Variants in PCDH15 observed in about 807,000 individuals in gnomAD.
PCDH15 encodes the protein protocadherin-15.
In PCDH15, 129 loss-of-function variants were observed where a neutral mutation model predicts 178.5. The ratio of observed to expected loss-of-function variants is 0.72; its 90% CI spans 0.63 to 0.84. The LOEUF is 0.84. Among genes scored for constraint, PCDH15 ranks in the 40% least tolerant of loss-of-function variants. The pLI is 0.00. For synonymous variants in PCDH15, 800 were observed against 732.0 expected, an observed-to-expected ratio of 1.09 and a Z score of -1.50; for missense variants, 2,230 against 2,099.9, an observed-to-expected ratio of 1.06 and a Z score of -1.21.
chr10:54,773,863 A>G (rs1009203987), intron 1 of PCDH15, among the ~76,000 whole-genome samples: 3 of 152,166 alleles, frequency 2.0e-5, no homozygotes, highest in Non-Finnish European at 4.4e-5. Flanking sequence ...GGAGCATCAT[A>G]CAATAAAAAT....
intron 2 of PCDH15, among the ~76,000 whole-genome samples, chr10:54,950,524 C>T (rs780789679): frequency 2.6e-5 from 4 of 152,046 alleles, no homozygotes; most frequent in Non-Finnish European, 5.9e-5. Flanking sequence ...TCCTTTCCTT[C>T]TGCCATGATT....
chr10:55,137,979 C>T (rs978517919), intron 2 of PCDH15, among the ~76,000 whole-genome samples: 1 of 152,096 alleles, frequency 6.6e-6, no homozygotes, highest in African/African-American at 2.4e-5. Flanking sequence ...GGCCTGAAAA[C>T]CTGTCACTTG....
At position 55,586,820 on chromosome 10, in the gene PCDH15, T is replaced by A. The variant is rs181515658; in HGVS notation, c.-156+40805A>T. Among the ~76,000 whole-genome samples, 11 of 152,218 alleles carry A rather than the reference T, an allele frequency of 7.2e-5. No homozygotes were observed. In the East Asian group the frequency reaches 9.6e-4, roughly 13 times the overall value. On this transcript the variant is annotated intron_variant, in intron 2 of 5. Coordinates refer to the PCDH15 transcript ENST00000613346. ...GAATGATGTACTTTGGTCAAAAAAA[T>A]TATACCTCAATAATTATCTGCTCTC...
intron 2 of PCDH15, among the ~76,000 whole-genome samples, chr10:55,401,110 T>G (rs1344434202): frequency 2.0e-5 from 3 of 152,146 alleles, no homozygotes; most frequent in African/African-American, 7.2e-5. Context: ...TTTTTAATAT[T>G]GTTTCTATGG....
intron 15 of PCDH15, among the ~76,000 whole-genome samples, chr10:54,107,492 A>C (rs1377224636): frequency 6.6e-6 from 1 of 152,168 alleles, no homozygotes; most frequent in African/African-American, 2.4e-5. Context: ...GCACAGCAGG[A>C]AGTATTAGAG....
chr10:54,396,514 G>A (rs531281700), intron 3 of PCDH15, among the ~76,000 whole-genome samples: 47 of 152,104 alleles, frequency 3.1e-4, no homozygotes, highest in African/African-American at 1.1e-3. Flanking sequence ...CTTCCAAATA[G>A]CTATTTAGTA....
chr10:55,067,637 A>T (rs1377581951), intron 2 of PCDH15, among the ~76,000 whole-genome samples: 30 of 142,046 alleles, frequency 2.1e-4, no homozygotes, highest in Non-Finnish European at 2.1e-4. Flanking sequence ...TGATAGTTCT[A>T]TTTTTTTTTT....
intron 16 of PCDH15, among the ~76,000 whole-genome samples, chr10:54,082,536 T>C (rs1056158204): frequency 6.6e-6 from 1 of 152,178 alleles, no homozygotes; most frequent in Non-Finnish European, 1.5e-5. Context: ...AATGGAAATC[T>C]ATACGTAAAA....
intron 1 of PCDH15, among the ~76,000 whole-genome samples, chr10:55,180,529 T>C (rs943076193): frequency 1.3e-5 from 2 of 152,138 alleles, no homozygotes; most frequent in African/African-American, 2.4e-5. Flanking sequence ...CAGTGATTTA[T>C]GAAATGCCTG....
At chr10:55,333,070 TATAAAG>T (rs755839103) in intron 2 of PCDH15, among the ~76,000 whole-genome samples, 23 of 152,276 alleles carry the variant, frequency 1.5e-4, no homozygotes, top group African/African-American at 3.8e-4. Context: ...ACTTTTAACA[TATAAAG>T]ATAGAGTCAA....
chr10:55,214,726 C>T (rs908236955), intron 1 of PCDH15, among the ~76,000 whole-genome samples: 2 of 152,136 alleles, frequency 1.3e-5, no homozygotes, highest in East Asian at 3.9e-4. Context: ...ATCCTCCCAA[C>T]TCAGTCTCCA....
In PCDH15 at chr10:54,024,911, T is replaced by C. The variant is rs73235711; in HGVS notation, c.2221-1714A>G. On this transcript the variant is annotated intron_variant, in intron 18 of 37. Coordinates refer to ENST00000644397, the MANE Select transcript of PCDH15 (RefSeq NM_001384140.1). The stretch of plus-strand genomic sequence containing the variant: ...TTACTCATCAAGTAAATAGATAAAA[T>C]TGTAAGCCAAGAACAAAATATAAAT... Among the ~76,000 whole-genome samples the C allele has an allele frequency of 4.4e-3, 676 of 152,194 alleles. 6 individuals are homozygous for C. The highest frequency in any genetic ancestry group is 0.02 in the Middle Eastern group (6 of 294).
chr10:55,045,314 T>A (rs1457069688), intron 2 of PCDH15, among the ~76,000 whole-genome samples: 1 of 152,064 alleles, frequency 6.6e-6, no homozygotes. Context: ...TTTTATCCAA[T>A]AAACAGTTTC....
chr10:54,066,624 T>G, intron 18 of PCDH15, 133 bp downstream of exon 18: 1 of 760,180 alleles, frequency 1.3e-6, no homozygotes, highest in Non-Finnish European at 2.1e-6. Flanking sequence ...ATTCATTTTT[T>G]AAAGTCTTGA....
At chr10:54,143,163 T>C (rs2043563585) in intron 14 of PCDH15, among the ~76,000 whole-genome samples, 1 of 152,164 alleles carries the variant, frequency 6.6e-6, no homozygotes, top group Non-Finnish European at 1.5e-5. Context: ...TATTGTCAAA[T>C]CTGAGGTGGT....
intron 2 of PCDH15, among the ~76,000 whole-genome samples, chr10:54,572,336 T>A (rs907846319): frequency 6.6e-6 from 1 of 152,066 alleles, no homozygotes; most frequent in African/African-American, 2.4e-5. Flanking sequence ...TGATATTATT[T>A]ATAACATCAA....
At chr10:54,642,699 A>T (rs566882856) in intron 2 of PCDH15, among the ~76,000 whole-genome samples, 2 of 152,306 alleles carry the variant, frequency 1.3e-5, no homozygotes, top group Non-Finnish European at 2.9e-5. Context: ...GTCAGTTTAG[A>T]GGTTACAGTT....
intron 3 of PCDH15, among the ~76,000 whole-genome samples, chr10:54,509,561 T>G (rs1024851379): frequency 6.6e-6 from 1 of 152,186 alleles, no homozygotes; most frequent in South Asian, 2.1e-4. Context: ...GCAAGAGCAC[T>G]GTGTCTCTGC....
intron 7 of PCDH15, among the ~76,000 whole-genome samples, chr10:54,320,441 AAAAGT>A (rs1227432653): frequency 2.0e-5 from 3 of 152,032 alleles, no homozygotes; most frequent in Admixed American, 6.6e-5. Flanking sequence ...AGGCCAGTTG[AAAAGT>A]AGAGTAGGAG....
Sources: gnomAD v4.1 joint callset for allele counts (sites outside exome capture counted in the v4.1 genomes callset) on GRCh38, gnomAD v4.1.1 for gene constraint, MANE v1.5 for transcripts, NCBI Gene and HGNC (gene_info 2026-07-23, HGNC 2026-07-21) for gene names.